Variants in CDH12 observed in about 807,000 individuals in gnomAD.
CDH12 encodes cadherin-12.
Under a neutral mutation model 74.1 loss-of-function variants are expected in CDH12, and 41 were observed. That is an observed-to-expected ratio of 0.55 (90% CI 0.43 to 0.72). CDH12 has a LOEUF of 0.72. Among genes scored for constraint, CDH12 ranks in the 30% least tolerant of loss-of-function variants. The probability of loss-of-function intolerance (pLI) is 0.00; values close to 1 mark genes in which losing one functional copy is unlikely to be tolerated. For synonymous variants in CDH12, 399 were observed against 355.0 expected, an observed-to-expected ratio of 1.12 and a Z score of -1.39; for missense variants, 945 against 977.2, an observed-to-expected ratio of 0.97 and a Z score of 0.44.
intron 1 of CDH12, among the ~76,000 whole-genome samples, chr5:22,749,892 A>C (rs2127032382): frequency 6.6e-6 from 1 of 152,330 alleles, no homozygotes. Context: ...TGTTAGCATT[A>C]TTTTTGAGTT....
chr5:22,765,497 C>T (rs909719610), intron 1 of CDH12, among the ~76,000 whole-genome samples: 1 of 151,804 alleles, frequency 6.6e-6, no homozygotes, highest in Non-Finnish European at 1.5e-5. Context: ...TTTGGAAGAC[C>T]TGGAGTCCCA....
At chr5:21,895,679 C>A (rs1753090274) in intron 6 of CDH12, among the ~76,000 whole-genome samples, 1 of 152,192 alleles carries the variant, frequency 6.6e-6, no homozygotes, top group Admixed American at 6.5e-5. Context: ...CCAGAGGAGC[C>A]ACTGCCCCCC....
chr5:22,738,854 T>G (rs559502095), intron 1 of CDH12, among the ~76,000 whole-genome samples: 1 of 152,172 alleles, frequency 6.6e-6, no homozygotes, highest in East Asian at 1.9e-4. Flanking sequence ...GTGTTTGATT[T>G]TAATACAATA....
At chr5:22,251,966 G>A (rs186063503) in intron 3 of CDH12, among the ~76,000 whole-genome samples, 1 of 152,216 alleles carries the variant, frequency 6.6e-6, no homozygotes, top group Non-Finnish European at 1.5e-5. Context: ...AGATACAACT[G>A]TAGCTTAAAA....
intron 3 of CDH12, among the ~76,000 whole-genome samples, chr5:22,219,339 A>G (rs770009713): frequency 1.3e-5 from 2 of 151,594 alleles, no homozygotes; most frequent in Non-Finnish European, 3.0e-5. Flanking sequence ...CTTATTTACG[A>G]AATCAAACTT....
chr5:22,791,856 A>G (rs1747924189), intron 1 of CDH12, among the ~76,000 whole-genome samples: 1 of 152,114 alleles, frequency 6.6e-6, no homozygotes, highest in African/African-American at 2.4e-5. Context: ...CTGTGATCCA[A>G]TCACCTCCCA....
chr5:22,455,139 T>C (rs1745213651), intron 2 of CDH12, among the ~76,000 whole-genome samples: 1 of 152,208 alleles, frequency 6.6e-6, no homozygotes, highest in African/African-American at 2.4e-5. Flanking sequence ...TTATGTTGGC[T>C]GTGAATGAAA....
chr5:22,197,785 A>C, intron 4 of CDH12, among the ~76,000 whole-genome samples: 1 of 152,076 alleles, frequency 6.6e-6, no homozygotes, highest in East Asian at 1.9e-4. Context: ...TCAAACACAA[A>C]ATCATTACTG....
intron 10 of CDH12, among the ~76,000 whole-genome samples, chr5:21,792,818 G>A (rs1746578827): frequency 6.6e-6 from 1 of 151,676 alleles, no homozygotes; most frequent in Non-Finnish European, 1.5e-5. Context: ...ACACCTTGAA[G>A]CAGCTTGCTC....
chr5:22,206,446 C>A (rs1163287743), intron 4 of CDH12, among the ~76,000 whole-genome samples: 2 of 151,800 alleles, frequency 1.3e-5, no homozygotes, highest in Non-Finnish European at 2.9e-5. Flanking sequence ...TCGTTTTTGT[C>A]AGAATCAACT....
intron 3 of CDH12, among the ~76,000 whole-genome samples, chr5:22,335,582 C>G (rs897463808): frequency 2.0e-5 from 3 of 150,524 alleles, no homozygotes; most frequent in African/African-American, 7.4e-5. Flanking sequence ...AAGACTCCAT[C>G]TCAAAAGAAA....
At chr5:22,559,345 A>C (rs1236190717) in intron 1 of CDH12, among the ~76,000 whole-genome samples, 1 of 152,132 alleles carries the variant, frequency 6.6e-6, no homozygotes, top group Non-Finnish European at 1.5e-5. Flanking sequence ...ATATATGCAT[A>C]CTTTACCTCA....
At chr5:22,038,057 T>C (rs1739306864) in intron 5 of CDH12, among the ~76,000 whole-genome samples, 1 of 151,886 alleles carries the variant, frequency 6.6e-6, no homozygotes, top group African/African-American at 2.4e-5. Flanking sequence ...GCTTCTGGAG[T>C]CCATACCACT....
At chr5:22,814,404 G>A (rs985467232) in intron 1 of CDH12, among the ~76,000 whole-genome samples, 27 of 152,118 alleles carry the variant, frequency 1.8e-4, no homozygotes, top group African/African-American at 6.3e-4. Flanking sequence ...AATCATTGTA[G>A]GAACAAAGAT....
intron 3 of CDH12, among the ~76,000 whole-genome samples, chr5:22,370,239 T>C (rs546251622): frequency 1.3e-5 from 2 of 152,282 alleles, no homozygotes; most frequent in African/African-American, 4.8e-5. Flanking sequence ...CATTGAAAAG[T>C]GTGTCTTGCT....
At chr5:22,237,835 A>G (rs1752612230) in intron 3 of CDH12, among the ~76,000 whole-genome samples, 1 of 152,216 alleles carries the variant, frequency 6.6e-6, no homozygotes. Flanking sequence ...GGCCTTGTTA[A>G]TATACATACA....
At chr5:22,728,981 G>A (rs1310703223) in intron 1 of CDH12, among the ~76,000 whole-genome samples, 3 of 151,766 alleles carry the variant, frequency 2.0e-5, no homozygotes, top group African/African-American at 7.3e-5. Flanking sequence ...ATGTCTCCAA[G>A]GTAAAAGCAT....
chr5:21,841,213 T>C (rs1749828397), intron 8 of CDH12, among the ~76,000 whole-genome samples: 1 of 151,258 alleles, frequency 6.6e-6, no homozygotes, highest in Non-Finnish European at 1.5e-5. Flanking sequence ...GAACAGACAC[T>C]TCTCAAAAGA....
intron 6 of CDH12, among the ~76,000 whole-genome samples, chr5:21,879,832 C>T (rs371096086): frequency 1.7e-4 from 26 of 152,192 alleles, no homozygotes; most frequent in African/African-American, 6.3e-4. Flanking sequence ...GAAAAGCGGT[C>T]GACAGCAAGA....
Sources: allele counts gnomAD v4.1 joint callset (sites outside exome capture counted in the v4.1 genomes callset), GRCh38; gene constraint gnomAD v4.1.1; transcripts MANE v1.5; gene names NCBI Gene and HGNC (gene_info 2026-07-23, HGNC 2026-07-21).